CSF1: variants seen among roughly 807,000 people sequenced by gnomAD.
CSF1 encodes colony stimulating factor 1.
Under a neutral mutation model 48.9 loss-of-function variants are expected in CSF1, and 9 were observed. The observed-to-expected ratio is 0.18, with a 90% CI of 0.11 to 0.32. The LOEUF (loss-of-function observed/expected upper bound fraction) is 0.32. CSF1 is among the 10% of genes least tolerant of loss of function. CSF1 has a pLI of 1.00. For synonymous variants in CSF1, 305 were observed against 284.1 expected, an observed-to-expected ratio of 1.07 and a Z score of -0.74; for missense variants, 672 against 697.9, an observed-to-expected ratio of 0.96 and a Z score of 0.42.
intron 8 of CSF1, chr1:109,926,892 G>A (rs919323025): frequency 6.6e-6 from 1 of 152,122 alleles, no homozygotes; most frequent in South Asian, 2.1e-4. Context: ...ACTAAGAGAG[G>A]GCCTCTCCAC....
rs1171887587 is a variant in CSF1 at position 109,924,073 on chromosome 1, G to A, written c.1452G>A (p.Gln484=). The change falls in exon 6 of 9, where the codon CAG becomes CAA. Residue 484 remains glutamine (Q), a synonymous_variant. Coordinates refer to ENST00000329608, the MANE Select transcript of CSF1 (RefSeq NM_000757.6). ...TGACTGACACAGGCCATGAGAGGCAGTCCGAGGGATCCTTCAGCCCGCAGC... is the reference window on the plus strand; with the variant it reads ...TGACTGACACAGGCCATGAGAGGCAATCCGAGGGATCCTTCAGCCCGCAGC... ...VPLTDTGHER[Q]SEGSFSPQLQ... is the part of the protein sequence containing the mutation. 4 of 1,614,104 alleles carry A rather than the reference G, an allele frequency of 2.5e-6. No homozygotes were observed. In the South Asian group the frequency reaches 3.3e-5, roughly 13 times the overall value.
intron 3 of CSF1, among the ~76,000 whole-genome samples, chr1:109,916,767 G>C (rs1297637871): frequency 6.6e-6 from 1 of 152,168 alleles, no homozygotes; most frequent in Non-Finnish European, 1.5e-5. Context: ...ACTAGCATTT[G>C]CTAGGAACCT....
chr1:109,919,049 T>C (rs1225857087), intron 4 of CSF1, among the ~76,000 whole-genome samples: 2 of 151,774 alleles, frequency 1.3e-5, no homozygotes, highest in African/African-American at 4.8e-5. Flanking sequence ...AAAAAAGCGT[T>C]GAGAAATCAA....
chr1:109,919,417 T>G (rs1345096830), intron 4 of CSF1, among the ~76,000 whole-genome samples: 2 of 152,108 alleles, frequency 1.3e-5, no homozygotes, highest in East Asian at 1.9e-4. Context: ...TTTGTAGAGA[T>G]AGGGTTTCGC....
At chr1:109,916,049 T>C (rs1038490859) in intron 3 of CSF1, among the ~76,000 whole-genome samples, 1 of 152,066 alleles carries the variant, frequency 6.6e-6, no homozygotes, top group South Asian at 2.1e-4. Context: ...AGGTTGGCTG[T>C]AGGGCTTGAG....
chr1:109,927,548 A>G (rs1334802103), intron 8 of CSF1, among the ~76,000 whole-genome samples: 2 of 151,312 alleles, frequency 1.3e-5, no homozygotes, highest in Non-Finnish European at 2.9e-5. Context: ...CCACCCCTCT[A>G]CACGCCCACC....
At chr1:109,924,709 T>A in intron 6 of CSF1, 67 bp from the exon 7 acceptor site, 1 of 1,419,328 alleles carries the variant, frequency 7.0e-7, no homozygotes, top group Non-Finnish European at 9.7e-7. Context: ...CAGCCCTTAC[T>A]GGGGATGGGC....
At chr1:109,922,059 G>A (rs1206205008) in intron 5 of CSF1, 65 bp downstream of exon 5, 1 of 1,511,950 alleles carries the variant, frequency 6.6e-7, no homozygotes, top group Non-Finnish European at 8.9e-7. Context: ...ATTGGGAGGT[G>A]AGATGTGAAG....
rs1235407945 is a variant in CSF1 at position 109,930,466 on chromosome 1, GC to G, written c.*1631del. 2 of 152,374 alleles carry G rather than the reference GC, an allele frequency of 1.3e-5. No individual in the cohort carries two copies. The highest frequency in any genetic ancestry group is 2.9e-5 in the Non-Finnish European group (2 of 68,194). The allele number at this position is 152,374 out of a possible 1,614,324, so 9.4% of individuals were successfully genotyped here. A position where few individuals can be genotyped will look rare whatever the true frequency, so the allele number is the denominator to read the frequency against. ...CCTTTGTCCTCCGCTAAGAGACCCT[GC>G]CCTACCTGGCCGCTGGGCCCCGTGA... On this transcript the variant is annotated 3_prime_UTR_variant, in exon 9 of 9. Transcript: ENST00000329608.
At chr1:109,916,402 C>T (rs917767111) in intron 3 of CSF1, among the ~76,000 whole-genome samples, 1 of 152,192 alleles carries the variant, frequency 6.6e-6, no homozygotes, top group Non-Finnish European at 1.5e-5. Context: ...GCCCCCATCA[C>T]TCCAGAAGAA....
chr1:109,917,782 A>G (rs1193755547), intron 4 of CSF1, among the ~76,000 whole-genome samples: 1 of 152,234 alleles, frequency 6.6e-6, no homozygotes, highest in Non-Finnish European at 1.5e-5. Flanking sequence ...TCATTCCAAC[A>G]GCAAGCAGTT....
Position 109,921,901 on chromosome 1 carries a change from A to G in CSF1, c.451A>G (p.Asn151Asp). ...TCTCCAGTTGCTGGAGAAGGTCAAG[A>G]ATGTCTTTAATGAAACAAAGAATCT... is the stretch of plus-strand genomic sequence containing the variant. ...TPLQLLEKVK[N>D]VFNETKNLLD... The change falls in exon 5 of 9, where the codon AAT becomes GAT. Residue 151 changes from asparagine (N) to aspartate (D), a missense_variant. Transcript: ENST00000329608. 6.2e-7 allele frequency: 1 copy of G among 1,611,896 alleles called. No homozygotes were observed. Among genetic ancestry groups the G allele is most frequent in the Non-Finnish European group, 8.5e-7 (1 of 1,178,496 alleles).
At position 109,921,801 on chromosome 1, in the gene CSF1, G is replaced by A. The variant is rs772623563; in HGVS notation, c.397-46G>A. 4.0e-6 allele frequency: 6 copies of A among 1,494,106 alleles called. No individual in the cohort carries two copies. The East Asian group carries it at 1.4e-4, about 36-fold the overall frequency. 92.6% of individuals were successfully genotyped at this position (1,494,106 alleles called of 1,614,324 possible). A position where few individuals can be genotyped will look rare whatever the true frequency, so the allele number is the denominator to read the frequency against. On this transcript the variant is annotated intron_variant, in intron 4 of 8. Transcript: ENST00000329608. ...ATTTGACAAATAAGATGGAGACATG[G>A]GGCCAATGGTCATGCTCACAAAAGG...
chr1:109,914,505 T>A, intron 2 of CSF1, 124 bp downstream of exon 2: 1 of 1,148,756 alleles, frequency 8.7e-7, no homozygotes, highest in Non-Finnish European at 1.2e-6. Flanking sequence ...ACATTGCTTG[T>A]GGTTCCCACT....
At chr1:109,918,005 A>G (rs1352744605) in intron 4 of CSF1, among the ~76,000 whole-genome samples, 1 of 152,210 alleles carries the variant, frequency 6.6e-6, no homozygotes, top group East Asian at 1.9e-4. Context: ...GACGACCCGA[A>G]GGAAGTGGAG....
upstream of CSF1, chr1:109,910,538 C>A (rs1352959001): frequency 5.6e-6 from 2 of 355,564 alleles, no homozygotes; most frequent in Middle Eastern, 4.5e-4. Flanking sequence ...AGGAAAGGGT[C>A]GGTCCGCAGA....
At chr1:109,913,156 G>A (rs996207243) in intron 1 of CSF1, among the ~76,000 whole-genome samples, 5 of 152,208 alleles carry the variant, frequency 3.3e-5, no homozygotes, top group African/African-American at 1.2e-4. Flanking sequence ...TCATAGCCTC[G>A]TTGTGTTTTT....
At chr1:109,922,137 C>A in intron 5 of CSF1, 143 bp downstream of exon 5, 2 of 983,760 alleles carry the variant, frequency 2.0e-6, no homozygotes, top group Non-Finnish European at 3.0e-6. Context: ...TGTGCTTGTT[C>A]TGTGTATATA....
rs1161620973 is a variant in CSF1 at position 109,930,029 on chromosome 1, G to A, written c.*1191G>A. 6.6e-6 allele frequency: 1 copy of A among 152,354 alleles called. No homozygotes were observed. The highest frequency in any genetic ancestry group is 1.9e-4 in the East Asian group (1 of 5,192). The allele number at this position is 152,354 out of a possible 1,614,324, so 9.4% of individuals were successfully genotyped here. A position where few individuals can be genotyped will look rare whatever the true frequency, so the allele number is the denominator to read the frequency against. ...GCCTTTGAAATATAGGTATGCACCT[G>A]AGGTTGGGGGAGGGTCTGCACTCCC... On this transcript the variant is annotated 3_prime_UTR_variant, in exon 9 of 9. Transcript: ENST00000329608.
Sources: gnomAD v4.1 joint callset for allele counts (sites outside exome capture counted in the v4.1 genomes callset) on GRCh38, gnomAD v4.1.1 for gene constraint, MANE v1.5 for transcripts, NCBI Gene and HGNC (gene_info 2026-07-23, HGNC 2026-07-21) for gene names.